ITCH: variants seen among roughly 807,000 people sequenced by gnomAD.
The protein encoded by ITCH is itchy E3 ubiquitin protein ligase.
A neutral mutation model predicts 126.8 loss-of-function variants in ITCH; 28 were observed. The observed-to-expected ratio is 0.22, with a 90% confidence interval of 0.16 to 0.30. The LOEUF is 0.30. ITCH is among the 10% of genes least tolerant of loss of function. The pLI is 1.00. For missense variants in ITCH, 631 were observed against 1,032.4 expected (o/e 0.61, Z 5.33); for synonymous variants, 342 against 340.0 (o/e 1.01, Z -0.06).
At chr20:34,444,496 T>A (rs970012136) in intron 10 of ITCH, among the ~76,000 whole-genome samples, 7 of 151,988 alleles carry the variant, frequency 4.6e-5, no homozygotes, top group Non-Finnish European at 1.0e-4. Context: ...GGCAGGAGAA[T>A]CGCTTGAACC....
At chr20:34,479,251 T>C (rs144223075) in intron 17 of ITCH, among the ~76,000 whole-genome samples, 2 of 152,314 alleles carry the variant, frequency 1.3e-5, no homozygotes, top group African/African-American at 4.8e-5. Flanking sequence ...CATGGGTAAA[T>C]AGTGAATTTT....
chr20:34,367,246 C>T (rs955067028), intron 1 of ITCH, among the ~76,000 whole-genome samples: 3 of 152,050 alleles, frequency 2.0e-5, no homozygotes, highest in Non-Finnish European at 4.4e-5. Flanking sequence ...GATGTGATCT[C>T]GGCTCACTGC....
chr20:34,494,642 C>G (rs1176290377), intron 23 of ITCH, among the ~76,000 whole-genome samples: 1 of 152,112 alleles, frequency 6.6e-6, no homozygotes, highest in African/African-American at 2.4e-5. Context: ...TGGGAACATT[C>G]AAAACTCACT....
chr20:34,403,044 C>CT (rs2038940697), intron 3 of ITCH, among the ~76,000 whole-genome samples: 1 of 151,998 alleles, frequency 6.6e-6, no homozygotes, highest in Admixed American at 6.6e-5. Context: ...GTCCAGCAAA[C>CT]TAAGAATTTT....
chr20:34,399,999 C>T (rs958692067), intron 3 of ITCH, among the ~76,000 whole-genome samples: 5 of 151,612 alleles, frequency 3.3e-5, no homozygotes, highest in East Asian at 1.9e-4. Flanking sequence ...AGTGTGGTGG[C>T]GTGATCTTGG....
At chr20:34,378,172 T>C (rs2037916821) in intron 2 of ITCH, among the ~76,000 whole-genome samples, 1 of 151,988 alleles carries the variant, frequency 6.6e-6, no homozygotes, top group Non-Finnish European at 1.5e-5. Context: ...CTGAGATCTG[T>C]ATTAAAAACA....
intron 2 of ITCH, among the ~76,000 whole-genome samples, chr20:34,372,820 C>T (rs915613815): frequency 6.6e-6 from 1 of 152,078 alleles, no homozygotes; most frequent in Non-Finnish European, 1.5e-5. Context: ...TATAAAACTC[C>T]TGGTTTAAGG....
At chr20:34,461,883 C>T (rs1390242489) in intron 13 of ITCH, among the ~76,000 whole-genome samples, 3 of 152,152 alleles carry the variant, frequency 2.0e-5, no homozygotes, top group South Asian at 4.1e-4. Context: ...GCCAAGTAGA[C>T]GGCAGAAGAC....
intron 17 of ITCH, 103 bp downstream of exon 17, chr20:34,477,963 T>C (rs1364016346): frequency 3.5e-6 from 5 of 1,446,680 alleles, no homozygotes; most frequent in Non-Finnish European, 4.8e-6. Context: ...TTTAGGAAAA[T>C]GAAATATGTC....
At chr20:34,443,307 C>G (rs1053127328) in intron 10 of ITCH, among the ~76,000 whole-genome samples, 2 of 151,628 alleles carry the variant, frequency 1.3e-5, no homozygotes, top group African/African-American at 4.8e-5. Context: ...GTCAAGAGAT[C>G]GAGACCATCC....
At chr20:34,490,438 AGGCGGGTGG>A (rs1989427494) in intron 22 of ITCH, among the ~76,000 whole-genome samples, 2 of 152,184 alleles carry the variant, frequency 1.3e-5, no homozygotes, top group Admixed American at 1.3e-4. Flanking sequence ...TGGGAGGCTG[AGGCGGGTGG>A]ATCACGACAT....
intron 23 of ITCH, among the ~76,000 whole-genome samples, chr20:34,493,397 C>T (rs2146523053): frequency 1.3e-5 from 2 of 152,220 alleles, no homozygotes; most frequent in East Asian, 3.9e-4. Flanking sequence ...GCTCAAGCTG[C>T]ATTTAGGAAG....
intron 4 of ITCH, among the ~76,000 whole-genome samples, chr20:34,409,059 G>C (rs1244438100): frequency 6.7e-6 from 1 of 149,954 alleles, no homozygotes; most frequent in Non-Finnish European, 1.5e-5. Flanking sequence ...TAGCTGAAGA[G>C]AGCCCATGGT....
chr20:34,386,645 A>G (rs2038294391), intron 2 of ITCH, among the ~76,000 whole-genome samples: 2 of 152,206 alleles, frequency 1.3e-5, no homozygotes, highest in South Asian at 2.1e-4. Context: ...ATAGGGCTAT[A>G]TTAAATTACT....
rs150556683 is a variant in ITCH at position 34,494,041 on chromosome 20, C to T, written c.2416+1444C>T. ...CTCAGGAGTTTGAGAACAGCTGGGA[C>T]GACATGGTGAGACCCCGTCTCTACT... On this transcript the variant is annotated intron_variant, in intron 23 of 24. Transcript: ENST00000374864. Among the ~76,000 whole-genome samples the T allele has an allele frequency of 8.7e-3, 1,322 of 152,204 alleles. 12 individuals are homozygous for T. Among genetic ancestry groups the T allele is most frequent in the Non-Finnish European group, 0.011 (717 of 68,002 alleles).
chr20:34,381,431 A>ATT (rs77769854), intron 2 of ITCH, among the ~76,000 whole-genome samples: 3 of 139,826 alleles, frequency 2.1e-5, no homozygotes, highest in Non-Finnish European at 4.7e-5. Flanking sequence ...TGCCTGGCTA[A>ATT]TTTTTTTTTT....
chr20:34,391,336 G>T (rs959269998), intron 2 of ITCH, among the ~76,000 whole-genome samples: 6 of 152,170 alleles, frequency 3.9e-5, no homozygotes, highest in South Asian at 2.1e-4. Flanking sequence ...ACAAGTATTT[G>T]TACCCATAGG....
At chr20:34,454,065 G>A (rs1173916329) in intron 12 of ITCH, among the ~76,000 whole-genome samples, 1 of 151,898 alleles carries the variant, frequency 6.6e-6, no homozygotes, top group Non-Finnish European at 1.5e-5. Flanking sequence ...AATTTAATGC[G>A]ACTGCCAAGA....
At chr20:34,507,642 C>T (rs1310465729) in intron 24 of ITCH, 53 bp from the exon 25 acceptor site, 1 of 1,342,924 alleles carries the variant, frequency 7.4e-7, no homozygotes, top group Non-Finnish European at 1.1e-6. Flanking sequence ...CTACACTACT[C>T]ATTTGATTCT....
Sources: gnomAD v4.1 joint callset for allele counts (sites outside exome capture counted in the v4.1 genomes callset) on GRCh38, gnomAD v4.1.1 for gene constraint, MANE v1.5 for transcripts, NCBI Gene and HGNC (gene_info 2026-07-23, HGNC 2026-07-21) for gene names.